The following PGM1 variants were observed in gnomAD, a reference collection of about 807,000 sequenced individuals.
The protein encoded by PGM1 is phosphoglucomutase-1.
A neutral mutation model predicts 55.6 loss-of-function variants in PGM1; 52 were observed. That is an observed-to-expected ratio of 0.94 (90% CI 0.75 to 1.18). The LOEUF is 1.18. Ranked by LOEUF, PGM1 falls within the 50% of genes most tolerant of loss-of-function variation. The probability of loss-of-function intolerance (pLI) is 0.00; values close to 1 mark genes in which losing one functional copy is unlikely to be tolerated. For missense variants in PGM1, 724 were observed against 729.3 expected, an observed-to-expected ratio of 0.99 and a Z score of 0.08; for synonymous variants, 287 against 271.7, an observed-to-expected ratio of 1.06 and a Z score of -0.55.
chr1:63,630,542 G>A (rs912620643), intron 3 of PGM1, among the ~76,000 whole-genome samples: 4 of 152,172 alleles, frequency 2.6e-5, no homozygotes, highest in Admixed American at 6.5e-5. Flanking sequence ...GTCACAGTCA[G>A]TGAATGGCAA....
chr1:63,629,460 C>T lies in PGM1; in HGVS notation c.282C>T (p.Leu94=), dbSNP rs1190025444. ...TGGTTATCGGACAGAATGGAATCCT[C>T]TCCACCCCTGCTGTATCCTGCATCA... ...GRLVIGQNGI[L]STPAVSCIIR... is the part of the protein sequence containing the mutation. The change falls in exon 2 of 11, where the codon CTC becomes CTT. Residue 94 remains leucine (L), a synonymous_variant. Coordinates refer to ENST00000371084, the MANE Select transcript of PGM1 (RefSeq NM_002633.3). 6.2e-7 allele frequency: 1 copy of T among 1,613,710 alleles called. No homozygotes were observed. The highest frequency in any genetic ancestry group is 1.7e-5 in the Admixed American group (1 of 60,006).
In PGM1 at chr1:63,648,649, C is replaced by T. The variant is rs1400763909; in HGVS notation, c.1277C>T (p.Thr426Ile). 2.5e-6 allele frequency: 4 copies of T among 1,613,872 alleles called. No individual in the cohort carries two copies. The South Asian group carries it at 4.4e-5, about 18-fold the overall frequency. ...CAAAAGTATGGCCGGAATTTCTTCA[C>T]CAGGTGAGCCACAGCCCAGCTGGGG... ...HWQKYGRNFF[T>I]RYDYEEVEAE... The change falls in exon 8 of 11, where the codon ACC becomes ATC. Residue 426 changes from threonine (T) to isoleucine (I), a missense_variant. Transcript: ENST00000371084.
intron 8 of PGM1, 127 bp downstream of exon 8, chr1:63,648,779 G>A: frequency 1.0e-6 from 1 of 1,004,168 alleles, no homozygotes; most frequent in African/African-American, 1.6e-5. Context: ...TCTCTCAATT[G>A]GAGACTTTAA....
rs990708775 is a variant in PGM1 at position 63,638,753 on chromosome 1, T to A, written c.1097T>A (p.Met366Lys). The A allele has an allele frequency of 1.2e-6, 2 of 1,614,144 alleles. No individual in the cohort carries two copies. Among genetic ancestry groups the A allele is most frequent in the Non-Finnish European group, 1.7e-6 (2 of 1,179,994 alleles). ...PTGWKFFGNLMDASKLSLCGE... is the reference protein window; with the variant it reads ...PTGWKFFGNLKDASKLSLCGE... The stretch of plus-strand genomic sequence containing the variant: ...GGCTGGAAGTTTTTTGGGAATTTGA[T>A]GGACGCGAGCAAACTGTCCCTTTGT... Residue 366 changes from methionine (M) to lysine (K), a missense_variant, in exon 7 of 11, where the codon ATG becomes AAG. Physicochemically the swap from Met to Lys is moderately conservative, Grantham distance 95 (BLOSUM62 -1). This residue lies in a region of PGM1 where 316 missense variants were observed against 313.1 expected (regional missense o/e 1.01). Coordinates refer to ENST00000371084, the MANE Select transcript of PGM1 (RefSeq NM_002633.3).
chr1:63,653,575 G>C, intron 9 of PGM1, among the ~76,000 whole-genome samples: 1 of 152,212 alleles, frequency 6.6e-6, no homozygotes, highest in East Asian at 1.9e-4. Flanking sequence ...AAAGACTGAA[G>C]AGTCCTCAGG....
Position 63,636,400 on chromosome 1 carries a change from C to T in PGM1, c.1028+12C>T. On this transcript the variant is annotated intron_variant, in intron 6 of 10. Transcript: ENST00000371084. The stretch of plus-strand genomic sequence containing the variant: ...GGTGCTCTGGACCGGTAGGTGTCTC[C>T]ATTCCCTTGGCCTTCCTGTCTTAGG... The T allele has an allele frequency of 6.2e-7, 1 of 1,613,616 alleles. No homozygotes were observed. Among genetic ancestry groups the T allele is most frequent in the Non-Finnish European group, 8.5e-7 (1 of 1,179,822 alleles).
chr1:63,654,967 CT>C (rs58711467), intron 10 of PGM1, among the ~76,000 whole-genome samples: 8,087 of 131,562 alleles, frequency 0.061, 212 homozygotes, highest in South Asian at 0.13. Context: ...ATGAATCTCT[CT>C]TTTTTTTTTT....
At chr1:63,603,855 A>C (rs1359119311) in intron 1 of PGM1, among the ~76,000 whole-genome samples, 2 of 152,258 alleles carry the variant, frequency 1.3e-5, no homozygotes, top group East Asian at 1.9e-4. Context: ...AAATGGTGGC[A>C]GAATTGCCCA....
chr1:63,599,898 A>G lies in PGM1; in HGVS notation c.246+6164A>G, dbSNP rs1024782104. 4.6e-5 allele frequency: 7 copies of G among 152,352 alleles called. No homozygotes were observed. The South Asian group carries it at 6.2e-4, about 14-fold the overall frequency. The allele number at this position is 152,352 out of a possible 1,614,324, so 9.4% of individuals were successfully genotyped here. On this transcript the variant is annotated intron_variant, in intron 1 of 10. Transcript: ENST00000371084. ...GAATCAGCACTGAATGCCAGTATGG[A>G]TAACCTATTGTCCTTTCCATCCAGG...
intron 10 of PGM1, among the ~76,000 whole-genome samples, chr1:63,657,154 C>CTTA (rs1306982209): frequency 2.6e-5 from 4 of 152,146 alleles, no homozygotes; most frequent in Non-Finnish European, 5.9e-5. Context: ...ATTTGCCATG[C>CTTA]TTATTTTTCC....
At chr1:63,654,968 T>TCTC (rs1491376908) in intron 10 of PGM1, among the ~76,000 whole-genome samples, 1 of 99,450 alleles carries the variant, frequency 1.0e-5, no homozygotes, top group African/African-American at 5.0e-5. Context: ...TGAATCTCTC[T>TCTC]TTTTTTTTTT....
chr1:63,629,519 T>C lies in PGM1; in HGVS notation c.341T>C (p.Leu114Pro), dbSNP rs1649133407. 4 of 1,613,922 alleles carry C rather than the reference T, an allele frequency of 2.5e-6. No individual in the cohort carries two copies. The East Asian group carries it at 8.9e-5, about 36-fold the overall frequency. ...ATCAAAGCCATTGGTGGGATCATTC[T>C]GACAGCCAGTCACAACCCAGGGGGC... ...RKIKAIGGII[L>P]TASHNPGGPN... The change falls in exon 2 of 11, where the codon CTG becomes CCG. Residue 114 changes from leucine (L) to proline (P), a missense_variant. Physicochemically the swap from Leu to Pro is moderately conservative, Grantham distance 98. Around this residue, in one of 3 missense-constraint regions of PGM1, gnomAD observed 379 missense variants for 357.5 expected, o/e 1.06. Transcript: ENST00000371084.
intron 1 of PGM1, among the ~76,000 whole-genome samples, chr1:63,613,316 T>G (rs1335760976): frequency 6.7e-6 from 1 of 148,922 alleles, no homozygotes; most frequent in East Asian, 2.0e-4. Flanking sequence ...TGCTATCTGC[T>G]GTAACAAACT....
chr1:63,647,702 C>G (rs1467442326), intron 7 of PGM1, among the ~76,000 whole-genome samples: 1 of 152,062 alleles, frequency 6.6e-6, no homozygotes. Flanking sequence ...ACTCTTTTCC[C>G]ACAGCCTTGC....
intron 1 of PGM1, among the ~76,000 whole-genome samples, chr1:63,627,061 C>T (rs1010713444): frequency 8.7e-5 from 11 of 126,148 alleles, no homozygotes; most frequent in Non-Finnish European, 5.0e-5. Context: ...GGACCCCCCC[C>T]CCCCCACACA....
At chr1:63,651,626 T>C in intron 8 of PGM1, 43 bp from the exon 9 acceptor site, 1 of 1,575,818 alleles carries the variant, frequency 6.3e-7, no homozygotes, top group Non-Finnish European at 8.7e-7. Flanking sequence ...CTTGGTGTGA[T>C]CTGCAGTCAG....
rs142222746 is a variant in PGM1 at position 63,634,887 on chromosome 1, G to A, written c.741G>A (p.Ser247=). The A allele has an allele frequency of 1.4e-4, 222 of 1,579,632 alleles. No homozygotes were observed. Among genetic ancestry groups the A allele is most frequent in the Admixed American group, 4.7e-4 (27 of 57,032 alleles). ...LCEELGAPAN[S]AVNCVPLEDF... ...AAGAACTCGGTGCCCCTGCGAACTC[G>A]GCAGTTAACTGCGTTCCTCTGGAGG... The change falls in exon 5 of 11, where the codon TCG becomes TCA. Residue 247 remains serine, a synonymous_variant. Transcript: ENST00000371084.
At chr1:63,636,449 T>G (rs1373657110) in intron 6 of PGM1, 61 bp downstream of exon 6, 3 of 1,497,478 alleles carry the variant, frequency 2.0e-6, no homozygotes, top group Non-Finnish European at 2.8e-6. Flanking sequence ...CACCATACCC[T>G]TCACTGTGCC....
At chr1:63,642,066 T>G (rs958500192) in intron 7 of PGM1, among the ~76,000 whole-genome samples, 2 of 152,214 alleles carry the variant, frequency 1.3e-5, no homozygotes, top group Non-Finnish European at 2.9e-5. Context: ...ACCCTTGTAA[T>G]GACTCAACAC....
Sources: gnomAD v4.1 joint callset for allele counts (sites outside exome capture counted in the v4.1 genomes callset) on GRCh38, gnomAD v4.1.1 for gene constraint, gnomAD v4.1.1 regional missense constraint, MANE v1.5 for transcripts, NCBI Gene and HGNC (gene_info 2026-07-23, HGNC 2026-07-21) for gene names.